MICU1: variants seen among roughly 807,000 people sequenced by gnomAD.
MICU1 encodes the protein mitochondrial calcium uptake 1, also known as calcium uptake protein 1, mitochondrial.
A neutral mutation model predicts 56.8 loss-of-function variants in MICU1; 45 were observed. The observed-to-expected ratio is 0.79, with a 90% CI of 0.62 to 1.02. MICU1 has a LOEUF of 1.02. MICU1 is among the 50% of genes least tolerant of loss of function. The probability of loss-of-function intolerance (pLI) is 0.00; values close to 1 mark genes in which losing one functional copy is unlikely to be tolerated. For missense variants in MICU1, 504 were observed against 587.1 expected (o/e 0.86, Z 1.46); for synonymous variants, 186 against 195.1 (o/e 0.95, Z 0.39).
intron 3 of MICU1, among the ~76,000 whole-genome samples, chr10:72,559,768 C>T (rs1236528365): frequency 2.6e-5 from 4 of 152,104 alleles, no homozygotes; most frequent in African/African-American, 4.8e-5. Context: ...AGCCCTGGGC[C>T]GTGGACTGGT....
chr10:72,515,895 A>G (rs1000109114), intron 5 of MICU1, among the ~76,000 whole-genome samples: 4 of 152,184 alleles, frequency 2.6e-5, no homozygotes, highest in Non-Finnish European at 4.4e-5. Flanking sequence ...TGCCTGTTCT[A>G]GAAATTGATA....
intron 6 of MICU1, among the ~76,000 whole-genome samples, chr10:72,492,533 C>A (rs898223007): frequency 6.6e-6 from 1 of 151,958 alleles, no homozygotes; most frequent in Non-Finnish European, 1.5e-5. Flanking sequence ...GAGGTTGAGG[C>A]GGATGGATCA....
chr10:72,549,886 C>A (rs1050070224), intron 4 of MICU1, among the ~76,000 whole-genome samples: 1 of 135,700 alleles, frequency 7.4e-6, no homozygotes, highest in Non-Finnish European at 1.5e-5. Flanking sequence ...GCTGAGATTG[C>A]GCCATTGTAT....
intron 1 of MICU1, among the ~76,000 whole-genome samples, chr10:72,612,350 C>T (rs757975731): frequency 6.6e-6 from 1 of 151,878 alleles, no homozygotes. Flanking sequence ...GCTGACCAGA[C>T]TTTAATCTGA....
chr10:72,454,477 CA>C (rs1865394609), intron 8 of MICU1, among the ~76,000 whole-genome samples: 2 of 144,232 alleles, frequency 1.4e-5, no homozygotes, highest in African/African-American at 2.6e-5. Flanking sequence ...ACAAAAAAAA[CA>C]AAAAAACAAA....
chr10:72,408,137 T>C (rs1167738453), intron 9 of MICU1, 100 bp from the exon 10 acceptor site: 2 of 696,524 alleles, frequency 2.9e-6, no homozygotes, highest in Admixed American at 5.3e-5. Context: ...AAATTCATGC[T>C]CATGTCTAGA....
intron 5 of MICU1, chr10:72,524,682 C>T: frequency 8.3e-7 from 1 of 1,206,684 alleles, no homozygotes; most frequent in Non-Finnish European, 1.0e-6. Context: ...TGAAGCATTA[C>T]TATGGATTTT....
chr10:72,529,936 G>A (rs1047252588), intron 5 of MICU1, among the ~76,000 whole-genome samples: 3 of 145,464 alleles, frequency 2.1e-5, no homozygotes, highest in Non-Finnish European at 3.0e-5. Context: ...ATGGATACTA[G>A]GGGAAGGTGC....
At chr10:72,544,994 C>G (rs1332535094) in intron 4 of MICU1, among the ~76,000 whole-genome samples, 1 of 152,082 alleles carries the variant, frequency 6.6e-6, no homozygotes, top group African/African-American at 2.4e-5. Context: ...TGTTGGGTAT[C>G]CTGGGATACA....
chr10:72,619,260 C>T (rs1384835586), intron 1 of MICU1, among the ~76,000 whole-genome samples: 3 of 152,002 alleles, frequency 2.0e-5, no homozygotes, highest in African/African-American at 2.4e-5. Context: ...CTGGCTAACA[C>T]GGTGAAACCC....
chr10:72,445,011 G>T (rs1458030325), intron 8 of MICU1, among the ~76,000 whole-genome samples: 2 of 152,158 alleles, frequency 1.3e-5, no homozygotes, highest in Non-Finnish European at 2.9e-5. Flanking sequence ...AACTTTCAAG[G>T]ATATGATAGG....
At chr10:72,410,985 G>A (rs2132110724) in intron 9 of MICU1, among the ~76,000 whole-genome samples, 1 of 152,290 alleles carries the variant, frequency 6.6e-6, no homozygotes, top group East Asian at 1.9e-4. Flanking sequence ...TGGATGAATG[G>A]ATAAACAAAA....
chr10:72,383,392 C>T (rs1862783933), intron 10 of MICU1, among the ~76,000 whole-genome samples: 2 of 152,158 alleles, frequency 1.3e-5, no homozygotes. Context: ...ACTAGTTTCC[C>T]CAGAAATATT....
At chr10:72,578,611 T>G (rs1403698655) in intron 1 of MICU1, among the ~76,000 whole-genome samples, 1 of 151,276 alleles carries the variant, frequency 6.6e-6, no homozygotes, top group Non-Finnish European at 1.5e-5. Context: ...TTTTTGCTGT[T>G]GTTGTTGTTG....
intron 8 of MICU1, among the ~76,000 whole-genome samples, chr10:72,452,951 T>C (rs938669930): frequency 1.3e-5 from 2 of 151,972 alleles, no homozygotes; most frequent in African/African-American, 4.8e-5. Context: ...ATGACCTCTA[T>C]AAAGCAGATC....
At chr10:72,619,844 G>A (rs3000966) in intron 1 of MICU1, among the ~76,000 whole-genome samples, 1 of 151,316 alleles carries the variant, frequency 6.6e-6, no homozygotes, top group South Asian at 2.1e-4. Flanking sequence ...AAATAGCCAT[G>A]TAAAGGCATA....
At chr10:72,420,007 A>G (rs1196784601) in intron 9 of MICU1, among the ~76,000 whole-genome samples, 1 of 152,176 alleles carries the variant, frequency 6.6e-6, no homozygotes, top group South Asian at 2.1e-4. Context: ...GTTTTACAAA[A>G]AGGAGTTCCC....
chr10:72,397,428 A>G (rs188044835), intron 10 of MICU1, among the ~76,000 whole-genome samples: 119 of 152,358 alleles, frequency 7.8e-4, no homozygotes, highest in African/African-American at 2.8e-3. Context: ...ATTCACACAT[A>G]GCAATATTAA....
chr10:72,625,058 C>A (rs1358540083), intron 1 of MICU1, among the ~76,000 whole-genome samples: 1 of 152,188 alleles, frequency 6.6e-6, no homozygotes, highest in Non-Finnish European at 1.5e-5. Flanking sequence ...ATGCAAACTC[C>A]TTTCTTATAC....
Sources: allele counts gnomAD v4.1 joint callset (sites outside exome capture counted in the v4.1 genomes callset), GRCh38; gene constraint gnomAD v4.1.1; transcripts MANE v1.5; gene names NCBI Gene and HGNC (gene_info 2026-07-23, HGNC 2026-07-21).